Variants in DPP6 observed in about 807,000 individuals in gnomAD.
The protein encoded by DPP6 is dipeptidyl peptidase like 6, also known as A-type potassium channel modulatory protein DPP6.
A neutral mutation model predicts 122.6 loss-of-function variants in DPP6; 69 were observed. That is an observed-to-expected ratio of 0.56 (90% CI 0.46 to 0.69). DPP6 has a LOEUF of 0.69. DPP6 is among the 30% of genes least tolerant of loss of function. The probability of loss-of-function intolerance (pLI) is 0.00; values close to 1 mark genes in which losing one functional copy is unlikely to be tolerated. For missense variants in DPP6, 928 were observed against 1,116.9 expected (o/e 0.83, Z 2.41); for synonymous variants, 418 against 433.1 (o/e 0.97, Z 0.43).
chr7:154,794,078 G>T lies in DPP6; in HGVS notation c.1137-1G>T, dbSNP rs1239486799. Reference sequence around the variant, plus strand: ...GCTCATGCTGTGTTTGGCGTTTCCAGGGAGTACTACATCACCATGGTGAAG... The same window carrying T: ...GCTCATGCTGTGTTTGGCGTTTCCATGGAGTACTACATCACCATGGTGAAG... On this transcript the variant is annotated splice_acceptor_variant, in intron 10 of 25. Transcript: ENST00000377770. LOFTEE classifies it high-confidence loss of function. The T allele has an allele frequency of 6.2e-7, 1 of 1,612,870 alleles. No homozygotes were observed.
intron 1 of DPP6, among the ~76,000 whole-genome samples, chr7:153,927,182 G>A (rs1800940988): frequency 6.6e-6 from 1 of 152,106 alleles, no homozygotes. Context: ...GCGTGGTGCT[G>A]TACTCCTGTA....
At chr7:153,768,183 A>G in the DPP6 span, among the ~76,000 whole-genome samples, 2 of 148,818 alleles carry the variant, frequency 1.3e-5, no homozygotes, top group African/African-American at 2.5e-5. Flanking sequence ...TACTGTGGAA[A>G]GGGAATTTTT....
chr7:154,585,785 C>A (rs1170251847), intron 5 of DPP6, among the ~76,000 whole-genome samples: 1 of 152,138 alleles, frequency 6.6e-6, no homozygotes, highest in Non-Finnish European at 1.5e-5. Flanking sequence ...CTTCCCGAAT[C>A]TTTTTGATCC....
chr7:153,769,402 G>A, the DPP6 span, among the ~76,000 whole-genome samples: 45 of 152,304 alleles, frequency 3.0e-4, no homozygotes, highest in East Asian at 7.9e-3. Flanking sequence ...ATGTTAAACA[G>A]TAGTGTTTCC....
At chr7:154,230,105 C>T (rs1022394998) in intron 1 of DPP6, among the ~76,000 whole-genome samples, 1 of 152,092 alleles carries the variant, frequency 6.6e-6, no homozygotes, top group Non-Finnish European at 1.5e-5. Flanking sequence ...GCTACATTAT[C>T]CACATTTCCT....
chr7:154,795,369 C>A (rs1271089643), intron 11 of DPP6, among the ~76,000 whole-genome samples: 1 of 152,196 alleles, frequency 6.6e-6, no homozygotes, highest in African/African-American at 2.4e-5. Context: ...CACTGTGAGA[C>A]CCACTTTTCC....
intron 7 of DPP6, among the ~76,000 whole-genome samples, chr7:154,724,671 C>T (rs10224371): frequency 0.21 from 31,421 of 151,890 alleles, 3,887 homozygotes; most frequent in African/African-American, 0.35. Context: ...CTGAGTATCC[C>T]ATCTTGCCCC....
At chr7:154,774,690 T>C (rs766076545) in intron 10 of DPP6, among the ~76,000 whole-genome samples, 14 of 152,242 alleles carry the variant, frequency 9.2e-5, no homozygotes, top group Non-Finnish European at 1.5e-4. Context: ...TGAGAGTTTT[T>C]AAAAGTCCAC....
chr7:153,901,133 A>G (rs1294520016), intron 1 of DPP6, among the ~76,000 whole-genome samples: 2 of 152,088 alleles, frequency 1.3e-5, no homozygotes, highest in Non-Finnish European at 2.9e-5. Flanking sequence ...CTTCTTCTAT[A>G]TATATATAAA....
chr7:154,875,353 GC>G lies in DPP6; in HGVS notation c.1884-550del, dbSNP rs1302572447. On this transcript the variant is annotated intron_variant, in intron 19 of 25. Coordinates refer to ENST00000377770, the MANE Select transcript of DPP6 (RefSeq NM_130797.4). The surrounding 1 kb of genome is among the most constrained non-coding windows in gnomAD (Gnocchi z 4.5). ...GCCAGCCCAGGTCGGAGGCCACACT[GC>G]CCAGAGCCAATGGCTCCTTGACTCC... is the stretch of plus-strand genomic sequence containing the variant. 2.0e-5 allele frequency among the ~76,000 whole-genome samples: 3 copies of G among 152,168 alleles called. No homozygotes were observed. Among genetic ancestry groups the G allele is most frequent in the Non-Finnish European group, 4.4e-5 (3 of 68,020 alleles).
intron 7 of DPP6, among the ~76,000 whole-genome samples, chr7:154,711,939 T>TACACACACACACACACAC (rs57187871): frequency 2.7e-3 from 175 of 63,828 alleles, no homozygotes; most frequent in African/African-American, 7.0e-3. Flanking sequence ...TGTCACTTAA[T>TACACACACACACACACAC]ACACACACAC....
At chr7:153,800,489 T>C in the DPP6 span, among the ~76,000 whole-genome samples, 302 of 152,242 alleles carry the variant, frequency 2.0e-3, 1 homozygote, top group African/African-American at 6.9e-3. Flanking sequence ...AGGGACTACA[T>C]TCTAATGTTC....
At chr7:154,783,464 G>A (rs1232513806) in intron 10 of DPP6, among the ~76,000 whole-genome samples, 1 of 152,154 alleles carries the variant, frequency 6.6e-6, no homozygotes, top group East Asian at 1.9e-4. Flanking sequence ...GAGCAGCGCG[G>A]GTCAGTGGCG....
intron 1 of DPP6, among the ~76,000 whole-genome samples, chr7:153,937,084 C>T (rs1232995954): frequency 6.6e-6 from 1 of 152,052 alleles, no homozygotes; most frequent in Non-Finnish European, 1.5e-5. Flanking sequence ...CTTGGGGAGG[C>T]TCAGATCCCA....
At chr7:154,575,426 G>GGT (rs1831550271) in intron 5 of DPP6, among the ~76,000 whole-genome samples, 3 of 37,098 alleles carry the variant, frequency 8.1e-5, no homozygotes, top group African/African-American at 3.1e-4. Context: ...ATGTGTGTGT[G>GGT]GTGTGTATGT....
intron 2 of DPP6, among the ~76,000 whole-genome samples, chr7:154,462,260 A>G (rs956379182): frequency 3.3e-5 from 5 of 152,188 alleles, no homozygotes; most frequent in African/African-American, 7.2e-5. Context: ...TTGGATTACT[A>G]TAGTTCTGTA....
At chr7:154,868,716 C>T (rs924691144) in intron 18 of DPP6, among the ~76,000 whole-genome samples, 11 of 152,172 alleles carry the variant, frequency 7.2e-5, no homozygotes, top group African/African-American at 1.7e-4. Context: ...GGCAGAGCCT[C>T]GGAGCCTCAA....
At chr7:154,197,429 G>A (rs912481447) in intron 1 of DPP6, among the ~76,000 whole-genome samples, 1 of 152,088 alleles carries the variant, frequency 6.6e-6, no homozygotes, top group Non-Finnish European at 1.5e-5. Flanking sequence ...CGTCGATGCA[G>A]ACACTAAAGA....
At chr7:154,319,102 C>T (rs921767194) in intron 1 of DPP6, among the ~76,000 whole-genome samples, 4 of 152,208 alleles carry the variant, frequency 2.6e-5, no homozygotes, top group Non-Finnish European at 4.4e-5. Flanking sequence ...CCATGGAATG[C>T]CTGTGTGCAG....
Sources: gnomAD v4.1 joint callset for allele counts (sites outside exome capture counted in the v4.1 genomes callset) on GRCh38, gnomAD v4.1.1 for gene constraint, Gnocchi (gnomAD v3.1) non-coding constraint, MANE v1.5 for transcripts, NCBI Gene and HGNC (gene_info 2026-07-23, HGNC 2026-07-21) for gene names.